Variants in GRM5 observed in about 807,000 individuals in gnomAD.
GRM5 encodes the protein glutamate metabotropic receptor 5.
Under a neutral mutation model 83.1 loss-of-function variants are expected in GRM5, and 19 were observed. That is an observed-to-expected ratio of 0.23 (90% CI 0.16 to 0.34). GRM5 has a LOEUF of 0.34. GRM5 is among the 10% of genes least tolerant of loss of function. The pLI, the probability that GRM5 is intolerant of heterozygous loss-of-function variation, is 1.00. For missense variants in GRM5, 1,160 were observed against 1,588.3 expected (o/e 0.73, Z 4.58); for synonymous variants, 675 against 633.6 (o/e 1.07, Z -0.98).
rs567034860 is a variant in GRM5 at position 88,528,131 on chromosome 11, A to G, written c.2631-2727T>C. ...AAAACAAAAAACAAAAACAAAACCT[A>G]ACTGCTTTTGGTAAAAGCTTTCACT... On this transcript the variant is annotated intron_variant, in intron 8 of 9. Coordinates refer to ENST00000305447, the MANE Select transcript of GRM5 (RefSeq NM_001143831.3). 8.5e-5 allele frequency among the ~76,000 whole-genome samples: 13 copies of G among 152,110 alleles called. No individual in the cohort carries two copies. The South Asian group carries it at 2.7e-3, about 31-fold the overall frequency.
At chr11:88,645,714 CA>C (rs1381964309) in intron 4 of GRM5, among the ~76,000 whole-genome samples, 1 of 151,698 alleles carries the variant, frequency 6.6e-6, no homozygotes, top group Admixed American at 6.6e-5. Context: ...AAGCTGTTAT[CA>C]AAAACATTAG....
At chr11:88,800,062 G>A (rs1226914419) in intron 3 of GRM5, among the ~76,000 whole-genome samples, 1 of 152,084 alleles carries the variant, frequency 6.6e-6, no homozygotes, top group Non-Finnish European at 1.5e-5. Flanking sequence ...GCCCCACAGG[G>A]AGTTTATGCA....
Position 88,721,056 on chromosome 11 carries a change from C to A in GRM5, c.912-67653G>T, listed in dbSNP as rs756168522. Reference sequence around the variant, plus strand: ...CCACTTGTGTGATTTTAAGTACATTCTTTAACCTTCCTGAAATTTATTCTC... The same window carrying A: ...CCACTTGTGTGATTTTAAGTACATTATTTAACCTTCCTGAAATTTATTCTC... On this transcript the variant is annotated intron_variant, in intron 3 of 9. Transcript: ENST00000305447. 1.2e-4 allele frequency among the ~76,000 whole-genome samples: 19 copies of A among 152,086 alleles called. No homozygotes were observed. In the South Asian group the frequency reaches 2.7e-3, roughly 22 times the overall value.
chr11:88,793,351 C>A (rs1410550344), intron 3 of GRM5, among the ~76,000 whole-genome samples: 3 of 152,090 alleles, frequency 2.0e-5, no homozygotes, highest in Non-Finnish European at 2.9e-5. Context: ...AAAAATTTGA[C>A]ATATAATTCG....
intron 2 of GRM5, among the ~76,000 whole-genome samples, chr11:89,021,208 G>C (rs1940974677): frequency 6.6e-6 from 1 of 152,172 alleles, no homozygotes; most frequent in South Asian, 2.1e-4. Context: ...AAAGCTTTAT[G>C]AAGTTCCTCA....
chr11:88,539,701 T>C (rs1942219312), intron 8 of GRM5, among the ~76,000 whole-genome samples: 1 of 120,840 alleles, frequency 8.3e-6, no homozygotes, highest in African/African-American at 2.6e-5. Context: ...TTGATTTTCT[T>C]ACCTCCATCT....
chr11:88,838,102 A>AAAAAAAAAAAAATAT (rs1944126493), intron 3 of GRM5, among the ~76,000 whole-genome samples: 1 of 150,768 alleles, frequency 6.6e-6, no homozygotes, highest in Admixed American at 6.6e-5. Flanking sequence ...AAAAAAAAAA[A>AAAAAAAAAAAAATAT]AAAAAAAGAT....
chr11:88,735,197 C>A (rs1941887564), intron 3 of GRM5, among the ~76,000 whole-genome samples: 1 of 151,936 alleles, frequency 6.6e-6, no homozygotes, highest in Non-Finnish European at 1.5e-5. Context: ...CATTCTCACT[C>A]CTGTCTCATG....
intron 3 of GRM5, among the ~76,000 whole-genome samples, chr11:88,730,677 C>A (rs910101961): frequency 6.6e-6 from 1 of 152,096 alleles, no homozygotes; most frequent in Non-Finnish European, 1.5e-5. Flanking sequence ...CCATGGAATA[C>A]TATGAAGCCA....
At chr11:89,021,555 G>A (rs1940984554) in intron 2 of GRM5, among the ~76,000 whole-genome samples, 1 of 152,204 alleles carries the variant, frequency 6.6e-6, no homozygotes, top group Non-Finnish European at 1.5e-5. Context: ...ACAATTTGGA[G>A]AAGTTTTCAA....
intron 3 of GRM5, among the ~76,000 whole-genome samples, chr11:88,654,594 A>G (rs1939720348): frequency 6.6e-6 from 1 of 152,104 alleles, no homozygotes; most frequent in African/African-American, 2.4e-5. Context: ...GAGCCTCCTA[A>G]ATGCAAAGCA....
At position 88,676,825 on chromosome 11, in the gene GRM5, T is replaced by A. The variant is rs544111823; in HGVS notation, c.912-23422A>T. 3.5e-4 allele frequency among the ~76,000 whole-genome samples: 54 copies of A among 152,262 alleles called. No individual in the cohort carries two copies. The East Asian group carries it at 0.01, about 29-fold the overall frequency. On this transcript the variant is annotated intron_variant, in intron 3 of 9. Coordinates refer to ENST00000305447, the MANE Select transcript of GRM5 (RefSeq NM_001143831.3). ...AATTCATTTAAGTAACACATTTTTA[T>A]GTAGCACTTACTGCGTGCAAGGCAT...
chr11:88,589,834 A>T (rs1478235664), intron 7 of GRM5, among the ~76,000 whole-genome samples: 1 of 152,126 alleles, frequency 6.6e-6, no homozygotes, highest in East Asian at 1.9e-4. Flanking sequence ...AACTTCATTA[A>T]GATAGAGGTA....
chr11:89,028,032 A>G (rs1941170337), intron 2 of GRM5, among the ~76,000 whole-genome samples: 1 of 152,158 alleles, frequency 6.6e-6, no homozygotes, highest in South Asian at 2.1e-4. Flanking sequence ...TTCCTCCAGG[A>G]GGACAACACA....
At chr11:88,891,990 T>C (rs1206323193) in intron 2 of GRM5, among the ~76,000 whole-genome samples, 1 of 152,076 alleles carries the variant, frequency 6.6e-6, no homozygotes, top group Non-Finnish European at 1.5e-5. Flanking sequence ...AGGAAACTTA[T>C]TTTGAACTAT....
chr11:88,510,482 G>T (rs1428358920), intron 9 of GRM5, among the ~76,000 whole-genome samples: 2 of 151,810 alleles, frequency 1.3e-5, no homozygotes, highest in African/African-American at 2.4e-5. Context: ...ACTTTACAAA[G>T]GTCAGAGAAT....
intron 3 of GRM5, among the ~76,000 whole-genome samples, chr11:88,810,667 C>T (rs1247101005): frequency 6.6e-6 from 1 of 152,002 alleles, no homozygotes; most frequent in Non-Finnish European, 1.5e-5. Flanking sequence ...TACTGAGAAG[C>T]TGTATTTGTG....
intron 2 of GRM5, among the ~76,000 whole-genome samples, chr11:88,998,707 C>G (rs1188502216): frequency 6.6e-6 from 1 of 152,042 alleles, no homozygotes; most frequent in Non-Finnish European, 1.5e-5. Context: ...AAAAATACTC[C>G]TAAAACTGAC....
At chr11:88,931,741 T>C (rs994201023) in intron 2 of GRM5, among the ~76,000 whole-genome samples, 20 of 152,260 alleles carry the variant, frequency 1.3e-4, no homozygotes, top group Middle Eastern at 3.4e-3. Context: ...TCTCACCTTA[T>C]TTCTTATTTA....
Sources: gnomAD v4.1 joint callset for allele counts (sites outside exome capture counted in the v4.1 genomes callset) on GRCh38, gnomAD v4.1.1 for gene constraint, MANE v1.5 for transcripts, NCBI Gene and HGNC (gene_info 2026-07-23, HGNC 2026-07-21) for gene names.